INPP5A: variants seen among roughly 807,000 people sequenced by gnomAD.
INPP5A encodes the protein 43 kDa inositol polyphosphate 5-phophatase.
A neutral mutation model predicts 65.2 loss-of-function variants in INPP5A; 14 were observed. The ratio of observed to expected loss-of-function variants is 0.21; its 90% CI spans 0.14 to 0.34. The LOEUF (loss-of-function observed/expected upper bound fraction) is 0.34, where lower values mean the gene tolerates loss of function less well. INPP5A is among the 10% of genes least tolerant of loss of function. The pLI is 1.00. For missense variants in INPP5A, 431 were observed against 545.6 expected (o/e 0.79, Z 2.09); for synonymous variants, 207 against 208.3 (o/e 0.99, Z 0.05).
intron 9 of INPP5A, among the ~76,000 whole-genome samples, chr10:132,731,298 C>T (rs1270103667): frequency 1.3e-5 from 2 of 151,816 alleles, no homozygotes; most frequent in African/African-American, 4.8e-5. Flanking sequence ...TCAGGCGCCC[C>T]CTCCCACTTA....
chr10:132,674,981 T>C lies in INPP5A; in HGVS notation c.307-15411T>C, dbSNP rs2133444093. Among the ~76,000 whole-genome samples, 1 of 152,262 alleles carries C rather than the reference T, an allele frequency of 6.6e-6. No homozygotes were observed. The highest frequency in any genetic ancestry group is 1.9e-4 in the East Asian group (1 of 5,178). On this transcript the variant is annotated intron_variant, in intron 4 of 15. Coordinates refer to ENST00000368594, the MANE Select transcript of INPP5A (RefSeq NM_005539.5). This position sits in a 1 kb window ranked among gnomAD's most constrained non-coding sequence, Gnocchi z 4.4. ...CTCAAGCACCATTGGATCTGCTGGG[T>C]CATATGGCCCAAGTGTCAGAGCAGC...
At chr10:132,757,284 C>T (rs1320871539) in intron 11 of INPP5A, among the ~76,000 whole-genome samples, 1 of 152,270 alleles carries the variant, frequency 6.6e-6, no homozygotes, top group Admixed American at 6.5e-5. Flanking sequence ...CCCGCCCGCT[C>T]ACCAGCTCAC....
At chr10:132,767,003 C>G (rs1333227786) in intron 12 of INPP5A, among the ~76,000 whole-genome samples, 1 of 114,920 alleles carries the variant, frequency 8.7e-6, no homozygotes, top group Non-Finnish European at 1.7e-5. Flanking sequence ...CTGGAGGATG[C>G]GGCCTCGGAG....
intron 4 of INPP5A, among the ~76,000 whole-genome samples, chr10:132,669,555 T>G (rs1203023019): frequency 6.6e-6 from 1 of 152,168 alleles, no homozygotes; most frequent in Non-Finnish European, 1.5e-5. Flanking sequence ...GGACCGTCGG[T>G]GACATTTCAG....
Position 132,698,042 on chromosome 10 carries a change from G to A in INPP5A, c.474+123G>A, listed in dbSNP as rs1364555063. On this transcript the variant is annotated intron_variant, in intron 6 of 15. Coordinates refer to ENST00000368594, the MANE Select transcript of INPP5A (RefSeq NM_005539.5). The surrounding 1 kb of genome is among the most constrained non-coding windows in gnomAD (Gnocchi z 5.5). Reference sequence around the variant, plus strand: ...GTCACAGCTGCCTGTTGTTACCTCCGATAATCTGTCTTCCTGGGAGTCCAG... The same window carrying A: ...GTCACAGCTGCCTGTTGTTACCTCCAATAATCTGTCTTCCTGGGAGTCCAG... The A allele has an allele frequency of 1.9e-5, 13 of 685,226 alleles. No homozygotes were observed. The highest frequency in any genetic ancestry group is 2.9e-5 in the Non-Finnish European group (11 of 377,802). 42.4% of individuals were successfully genotyped at this position (685,226 alleles called of 1,614,324 possible). A position where few individuals can be genotyped will look rare whatever the true frequency, so the allele number is the denominator to read the frequency against.
Position 132,650,372 on chromosome 10 carries a change from G to A in INPP5A, c.219-46G>A. On this transcript the variant is annotated intron_variant, in intron 3 of 15. Transcript: ENST00000368594. The surrounding 1 kb of genome is among the most constrained non-coding windows in gnomAD (Gnocchi z 5.5). Reference sequence around the variant, plus strand: ...CTTGTGGTCATCTCATGAGGTGCAAGGCGTCTGTGTGGCTTTTCCTCAGGA... The same window carrying A: ...CTTGTGGTCATCTCATGAGGTGCAAAGCGTCTGTGTGGCTTTTCCTCAGGA... The A allele has an allele frequency of 7.5e-7, 1 of 1,331,650 alleles. No individual in the cohort carries two copies. The highest frequency in any genetic ancestry group is 1.7e-5 in the Admixed American group (1 of 59,556). 82.5% of individuals were successfully genotyped at this position (1,331,650 alleles called of 1,614,324 possible).
At chr10:132,630,257 G>T (rs939039104) in intron 2 of INPP5A, among the ~76,000 whole-genome samples, 1 of 138,360 alleles carries the variant, frequency 7.2e-6, no homozygotes, top group African/African-American at 2.7e-5. Context: ...TGAGGGGAAG[G>T]CGTCCATGAG....
At chr10:132,778,373 G>C (rs1847100757) in intron 13 of INPP5A, among the ~76,000 whole-genome samples, 1 of 138,778 alleles carries the variant, frequency 7.2e-6, no homozygotes, top group South Asian at 2.3e-4. Flanking sequence ...CATTGGCCAG[G>C]CTGGTCTCAA....
At chr10:132,758,000 TCTGG>T (rs1183179392) in intron 11 of INPP5A, among the ~76,000 whole-genome samples, 1 of 101,566 alleles carries the variant, frequency 9.8e-6, no homozygotes, top group Non-Finnish European at 2.0e-5. Flanking sequence ...GTTGTGGGTC[TCTGG>T]CTGACCCCAC....
intron 9 of INPP5A, among the ~76,000 whole-genome samples, chr10:132,744,152 T>C (rs1388611086): frequency 6.6e-6 from 1 of 152,376 alleles, no homozygotes; most frequent in African/African-American, 2.4e-5. Context: ...GCTGAGGGGC[T>C]GGGAGTCGTA....
chr10:132,623,650 A>G (rs900704503), intron 2 of INPP5A, among the ~76,000 whole-genome samples: 1 of 152,242 alleles, frequency 6.6e-6, no homozygotes, highest in African/African-American at 2.4e-5. Context: ...GGCAAATTCA[A>G]ATATATCATA....
intron 2 of INPP5A, among the ~76,000 whole-genome samples, chr10:132,609,421 C>T (rs1040067798): frequency 4.6e-5 from 7 of 151,994 alleles, no homozygotes; most frequent in African/African-American, 1.5e-4. Flanking sequence ...GAGGTGGGGT[C>T]TTGCTGCGTG....
At chr10:132,671,465 T>C (rs2072891794) in intron 4 of INPP5A, among the ~76,000 whole-genome samples, 1 of 152,086 alleles carries the variant, frequency 6.6e-6, no homozygotes, top group African/African-American at 2.4e-5. Flanking sequence ...TGCTCTGGAC[T>C]CCGCCCTCCC....
At chr10:132,631,676 C>A (rs2072275691) in intron 2 of INPP5A, among the ~76,000 whole-genome samples, 1 of 152,220 alleles carries the variant, frequency 6.6e-6, no homozygotes, top group Admixed American at 6.5e-5. Flanking sequence ...CTGCCTGTTT[C>A]CTGGGAACCA....
intron 11 of INPP5A, among the ~76,000 whole-genome samples, chr10:132,756,685 C>T (rs1249900398): frequency 2.6e-5 from 4 of 152,232 alleles, no homozygotes; most frequent in East Asian, 1.9e-4. Context: ...CGTTTCTTCT[C>T]CCACACTTCT....
chr10:132,780,351 G>C (rs1271420525), intron 13 of INPP5A, among the ~76,000 whole-genome samples: 2 of 152,238 alleles, frequency 1.3e-5, no homozygotes, highest in Admixed American at 6.5e-5. Context: ...TTCGGTGTCT[G>C]TTCTCGTTTG....
intron 9 of INPP5A, among the ~76,000 whole-genome samples, chr10:132,731,132 G>C (rs1016808701): frequency 2.0e-5 from 3 of 152,188 alleles, no homozygotes; most frequent in Admixed American, 2.0e-4. Flanking sequence ...CATTCACATG[G>C]GATGGCGTGG....
rs374145666 is a variant in INPP5A, at chr10:132,681,320, T to G, written c.307-9072T>G. On this transcript the variant is annotated intron_variant, in intron 4 of 15. Coordinates refer to ENST00000368594, the MANE Select transcript of INPP5A (RefSeq NM_005539.5). ...TTCCACACTGTGGAAGCTTTGTTCTTTCGCTCTTTGCAATAAATCTTGCTA... is the reference window on the plus strand; with the variant it reads ...TTCCACACTGTGGAAGCTTTGTTCTGTCGCTCTTTGCAATAAATCTTGCTA... Among the ~76,000 whole-genome samples, 477 of 150,060 alleles carry G rather than the reference T, an allele frequency of 3.2e-3. 5 individuals carry two copies. In the South Asian group the frequency reaches 0.042, roughly 13 times the overall value.
intron 4 of INPP5A, among the ~76,000 whole-genome samples, chr10:132,688,689 G>C (rs561365957): frequency 1.1e-4 from 17 of 151,696 alleles, no homozygotes; most frequent in African/African-American, 3.6e-4. Flanking sequence ...GTGTGCATGA[G>C]TGCATGTGTG....
Sources: gnomAD v4.1 joint callset for allele counts (sites outside exome capture counted in the v4.1 genomes callset) on GRCh38, gnomAD v4.1.1 for gene constraint, Gnocchi (gnomAD v3.1) non-coding constraint, MANE v1.5 for transcripts, NCBI Gene and HGNC (gene_info 2026-07-23, HGNC 2026-07-21) for gene names.